Variants in ADGRF1 observed in about 807,000 individuals in gnomAD.
The protein encoded by ADGRF1 is G protein-coupled receptor 110.
In ADGRF1, 85 loss-of-function variants were observed where a neutral mutation model predicts 87.2. The ratio of observed to expected loss-of-function variants is 0.97; its 90% CI spans 0.82 to 1.17. ADGRF1 has a LOEUF of 1.17. ADGRF1 is among the 50% of genes most tolerant of loss of function. ADGRF1 has a pLI of 0.00. For synonymous variants in ADGRF1, 430 were observed against 408.8 expected (o/e 1.05, Z -0.63); for missense variants, 1,169 against 1,077.2 (o/e 1.09, Z -1.19).
intron 5 of ADGRF1, 104 bp downstream of exon 5, chr6:47,023,940 C>T: frequency 9.7e-7 from 1 of 1,034,348 alleles, no homozygotes. Flanking sequence ...CCCTCAATCT[C>T]CCTGTAAACA....
intron 13 of ADGRF1, among the ~76,000 whole-genome samples, chr6:47,003,459 G>A (rs1039638185): frequency 2.0e-5 from 3 of 152,166 alleles, no homozygotes; most frequent in Admixed American, 6.5e-5. Context: ...TTAGCTGAGA[G>A]TCTATATCCT....
Position 47,025,943 on chromosome 6 carries a change from C to T in ADGRF1, c.188G>A (p.Arg63Lys). ...GAGCTTCAGAAAATTTCTCAAATCT[C>T]TTTTCTCCTTGGAATCTCTATAGGT... ...QVTYRDSKEK[R>K]DLRNFLKLLK... is the part of the protein sequence containing the mutation. The change falls in exon 4 of 15, where the codon AGA becomes AAA. Residue 63 changes from arginine to lysine, a missense_variant. By Grantham distance (26) the Arg-to-Lys change is conservative (BLOSUM62 2). Transcript: ENST00000371253. 6.2e-7 allele frequency: 1 copy of T among 1,611,978 alleles called. No homozygotes were observed. The highest frequency in any genetic ancestry group is 8.5e-7 in the Non-Finnish European group (1 of 1,179,376).
intron 5 of ADGRF1, among the ~76,000 whole-genome samples, chr6:47,022,925 C>T (rs1780110190): frequency 6.6e-6 from 1 of 151,606 alleles, no homozygotes; most frequent in African/African-American, 2.4e-5. Context: ...CTTCCCTCAG[C>T]CCCCCAAGTA....
At chr6:47,035,412 A>T (rs1780561293) in intron 1 of ADGRF1, among the ~76,000 whole-genome samples, 1 of 152,204 alleles carries the variant, frequency 6.6e-6, no homozygotes, top group African/African-American at 2.4e-5. Flanking sequence ...AAAAATAAAA[A>T]AGTACCTGAA....
chr6:47,026,300 A>G (rs1272246973), intron 3 of ADGRF1, among the ~76,000 whole-genome samples: 1 of 152,078 alleles, frequency 6.6e-6, no homozygotes, highest in Non-Finnish European at 1.5e-5. Context: ...TCCTCAGGGC[A>G]CACCCAGAGT....
chr6:47,037,350 A>G (rs528503545), intron 1 of ADGRF1, among the ~76,000 whole-genome samples: 1 of 152,136 alleles, frequency 6.6e-6, no homozygotes, highest in African/African-American at 2.4e-5. Flanking sequence ...GTGTTTTAGG[A>G]ACTCTTTTGT....
Position 47,009,629 on chromosome 6 carries a change from T to A in ADGRF1, c.1806A>T (p.Leu602Phe). 1.9e-6 allele frequency: 3 copies of A among 1,614,188 alleles called. No homozygotes were observed. Among genetic ancestry groups the A allele is most frequent in the Non-Finnish European group, 2.5e-6 (3 of 1,180,028 alleles). The part of the protein sequence containing the change: ...GLGISIGSLI[L>F]CLIIEALFWK... ...AAAACAAAGCCTCGATGATCAGGCA[T>A]AAAATGAGACTTCCAATGGAGATAC... The change falls in exon 11 of 15, where the codon TTA (leucine) becomes TTT (phenylalanine). Residue 602 changes from leucine (L) to phenylalanine (F), a missense_variant. By Grantham distance (22) the Leu-to-Phe change is conservative (BLOSUM62 0). Coordinates refer to ENST00000371253, the MANE Select transcript of ADGRF1 (RefSeq NM_153840.4).
intron 1 of ADGRF1, among the ~76,000 whole-genome samples, chr6:47,030,467 G>A (rs574199264): frequency 2.6e-5 from 4 of 151,934 alleles, no homozygotes; most frequent in African/African-American, 7.2e-5. Flanking sequence ...ATTCCTTCCC[G>A]CCTGCGCTTT....
At chr6:47,035,916 G>C (rs1035180898) in intron 1 of ADGRF1, among the ~76,000 whole-genome samples, 2 of 152,218 alleles carry the variant, frequency 1.3e-5, no homozygotes, top group African/African-American at 2.4e-5. Flanking sequence ...GAGAGAGAGG[G>C]AGAGGGGGAG....
At chr6:47,021,868 G>GA in intron 6 of ADGRF1, 90 bp downstream of exon 6, 1 of 707,904 alleles carries the variant, frequency 1.4e-6, no homozygotes, top group Non-Finnish European at 2.4e-6. Context: ...GAATAATTAA[G>GA]AATATGTATT....
In ADGRF1 at chr6:47,000,258, G is replaced by C. The variant is rs1476930364; in HGVS notation, c.2697C>G (p.Asp899Glu). The C allele has an allele frequency of 1.2e-6, 2 of 1,607,036 alleles. No individual in the cohort carries two copies. Among genetic ancestry groups the C allele is most frequent in the Admixed American group, 1.7e-5 (1 of 59,952 alleles). ...YAFSHTGDSS[D>E]NIMLTQFVSN... The stretch of plus-strand genomic sequence containing the variant: ...AGACAAACTGAGTTAGCATGATGTT[G>C]TCGGAGGAATCTCCAGTATGAGAAA... The change falls in exon 15 of 15, where the codon GAC becomes GAG. Residue 899 changes from aspartate (D) to glutamate (E), a missense_variant. By Grantham distance (45) the Asp-to-Glu change is conservative. Coordinates refer to ENST00000371253, the MANE Select transcript of ADGRF1 (RefSeq NM_153840.4).
intron 13 of ADGRF1, among the ~76,000 whole-genome samples, chr6:47,003,081 T>C (rs942632944): frequency 1.4e-5 from 2 of 147,674 alleles, no homozygotes; most frequent in African/African-American, 5.0e-5. Flanking sequence ...CCCAACCAAC[T>C]GAATGGATCC....
At chr6:47,020,440 G>A (rs1226805085) in intron 7 of ADGRF1, 3 of 1,122,266 alleles carry the variant, frequency 2.7e-6, no homozygotes, top group Non-Finnish European at 2.5e-6. Context: ...AGGTTGCAGG[G>A]TTGCAGTGAG....
intron 13 of ADGRF1, 43 bp downstream of exon 13, chr6:47,005,774 T>G (rs774252700): frequency 2.8e-5 from 41 of 1,450,820 alleles, no homozygotes; most frequent in Non-Finnish European, 3.9e-5. Flanking sequence ...AATGCAAAAC[T>G]GGAACTTCAT....
At chr6:47,018,641 G>A in intron 7 of ADGRF1, 2 of 1,276,120 alleles carry the variant, frequency 1.6e-6, no homozygotes, top group Non-Finnish European at 2.0e-6. Flanking sequence ...TCTGGGCATG[G>A]TGACTCATGC....
At chr6:47,031,567 A>G (rs1407839235) in intron 1 of ADGRF1, among the ~76,000 whole-genome samples, 1 of 152,088 alleles carries the variant, frequency 6.6e-6, no homozygotes, top group East Asian at 1.9e-4. Context: ...TACAGATGGT[A>G]AACTGTAACT....
intron 1 of ADGRF1, among the ~76,000 whole-genome samples, chr6:47,033,562 G>A (rs1780498547): frequency 6.6e-6 from 1 of 152,374 alleles, no homozygotes; most frequent in South Asian, 2.1e-4. Flanking sequence ...AGAATTCCCA[G>A]TAGAGCTGTC....
At chr6:47,025,742 T>C in intron 4 of ADGRF1, 112 bp downstream of exon 4, 1 of 1,015,244 alleles carries the variant, frequency 9.8e-7, no homozygotes, top group Non-Finnish European at 1.4e-6. Context: ...CATTTATTCT[T>C]TTAAATCACA....
intron 1 of ADGRF1, among the ~76,000 whole-genome samples, chr6:47,035,956 C>A (rs111956833): frequency 0.05 from 7,656 of 152,146 alleles, 264 homozygotes; most frequent in Middle Eastern, 0.14. Flanking sequence ...TTGGGCTGGG[C>A]GCGATGGCTC....
Sources: gnomAD v4.1 joint callset for allele counts (sites outside exome capture counted in the v4.1 genomes callset) on GRCh38, gnomAD v4.1.1 for gene constraint, MANE v1.5 for transcripts, NCBI Gene and HGNC (gene_info 2026-07-23, HGNC 2026-07-21) for gene names.